The following COL22A1 variants were observed in gnomAD, a reference collection of about 807,000 sequenced individuals.
The protein encoded by COL22A1 is collagen type XXII alpha 1 chain, also known as collagen alpha-1(XXII) chain.
COL22A1 carries 221 observed loss-of-function variants against 248.9 expected under a neutral mutation model. The observed-to-expected ratio is 0.89, with a 90% confidence interval of 0.80 to 0.99. The LOEUF (loss-of-function observed/expected upper bound fraction) is 0.99, where lower values mean the gene tolerates loss of function less well. Ranked by LOEUF, COL22A1 falls within the 50% of genes least tolerant of loss-of-function variation. The probability of loss-of-function intolerance (pLI) is 0.00; values close to 1 mark genes in which losing one functional copy is unlikely to be tolerated. For synonymous variants in COL22A1, 891 were observed against 793.4 expected (o/e 1.12, Z -2.07); for missense variants, 2,240 against 2,179.0 (o/e 1.03, Z -0.56).
chr8:138,602,355 C>T (rs1340520345), intron 59 of COL22A1, among the ~76,000 whole-genome samples, 196 bp from the exon 60 acceptor site: 1 of 152,178 alleles, frequency 6.6e-6, no homozygotes. Flanking sequence ...CTCCTTTCCT[C>T]CTGGCACTGT....
At chr8:138,716,771 T>A in intron 28 of COL22A1, 54 bp downstream of exon 28, 1 of 1,277,452 alleles carries the variant, frequency 7.8e-7, no homozygotes, top group Non-Finnish European at 1.1e-6. Flanking sequence ...AGATGTAGCG[T>A]ATAACAATGA....
At chr8:138,700,985 T>A (rs898874321) in intron 31 of COL22A1, among the ~76,000 whole-genome samples, 4 of 69,520 alleles carry the variant, frequency 5.8e-5, no homozygotes, top group Non-Finnish European at 1.0e-4. Flanking sequence ...CGAGACTCCG[T>A]CTCAAAAAAA....
intron 53 of COL22A1, among the ~76,000 whole-genome samples, chr8:138,617,744 T>A (rs2131921148): frequency 6.6e-6 from 1 of 152,258 alleles, no homozygotes; most frequent in African/African-American, 2.4e-5. Flanking sequence ...GTGAGTTAGG[T>A]CTGAGATGGG....
intron 3 of COL22A1, among the ~76,000 whole-genome samples, chr8:138,852,072 G>C: frequency 6.6e-6 from 1 of 152,130 alleles, no homozygotes; most frequent in Admixed American, 6.6e-5. Flanking sequence ...TGCATGGGAG[G>C]TCTGGGAAAG....
At chr8:138,708,941 GA>G (rs143434878) in intron 30 of COL22A1, among the ~76,000 whole-genome samples, 124,358 of 151,926 alleles carry the variant, frequency 0.82, 51,108 homozygotes, top group East Asian at 0.91. Context: ...AAATTTACAA[GA>G]AAAAAATCAA....
At chr8:138,755,280 A>G (rs1392533306) in intron 20 of COL22A1, 70 bp from the exon 21 acceptor site, 2 of 1,480,178 alleles carry the variant, frequency 1.4e-6, no homozygotes, top group Non-Finnish European at 1.9e-6. Flanking sequence ...ACCATCACCC[A>G]TGGCCCTCTC....
At chr8:138,817,518 G>A (rs1818770984) in intron 7 of COL22A1, among the ~76,000 whole-genome samples, 1 of 152,112 alleles carries the variant, frequency 6.6e-6, no homozygotes, top group Non-Finnish European at 1.5e-5. Flanking sequence ...AAATGATGAG[G>A]ACCCAGGGGG....
chr8:138,636,890 T>C, intron 47 of COL22A1, 95 bp from the exon 48 acceptor site: 1 of 1,024,020 alleles, frequency 9.8e-7, no homozygotes, highest in Middle Eastern at 2.1e-4. Context: ...ATTCATTAAT[T>C]CTCCAAAAAT....
chr8:138,783,825 T>C (rs1236565229), intron 12 of COL22A1, among the ~76,000 whole-genome samples: 1 of 152,180 alleles, frequency 6.6e-6, no homozygotes, highest in East Asian at 1.9e-4. Flanking sequence ...GTGAAGCAAG[T>C]TCCTTTACAG....
At chr8:138,896,677 A>C (rs546216744) in intron 1 of COL22A1, among the ~76,000 whole-genome samples, 1 of 152,318 alleles carries the variant, frequency 6.6e-6, no homozygotes, top group East Asian at 1.9e-4. Flanking sequence ...GAGAAAGTTT[A>C]AAATTCCATT....
intron 56 of COL22A1, among the ~76,000 whole-genome samples, chr8:138,611,015 G>A (rs542370272): frequency 3.9e-5 from 6 of 152,270 alleles, no homozygotes; most frequent in Non-Finnish European, 7.4e-5. Context: ...GCAGTTAACC[G>A]TGATCATGCC....
intron 7 of COL22A1, among the ~76,000 whole-genome samples, chr8:138,817,093 GT>G (rs1406952234): frequency 1.3e-5 from 2 of 152,232 alleles, no homozygotes; most frequent in African/African-American, 4.8e-5. Context: ...GTGCAGACAG[GT>G]GAGGCCACTG....
intron 7 of COL22A1, among the ~76,000 whole-genome samples, chr8:138,815,411 A>C (rs1220063338): frequency 1.3e-5 from 2 of 151,928 alleles, no homozygotes; most frequent in East Asian, 3.9e-4. Context: ...GCTGTCGACA[A>C]TCTCTCGCTC....
At chr8:138,648,802 T>C (rs147010069) in intron 46 of COL22A1, among the ~76,000 whole-genome samples, 398 of 152,342 alleles carry the variant, frequency 2.6e-3, no homozygotes, top group African/African-American at 8.9e-3. Flanking sequence ...GCCATCTGAA[T>C]TACCAGGTGA....
intron 41 of COL22A1, among the ~76,000 whole-genome samples, chr8:138,665,988 G>A (rs1223261326): frequency 6.6e-6 from 1 of 152,002 alleles, no homozygotes; most frequent in African/African-American, 2.4e-5. Context: ...AAGAATCATG[G>A]CAAATGTTAT....
Position 138,880,672 on chromosome 8 carries a change from C to T in COL22A1, c.92-2356G>A, listed in dbSNP as rs575249451. Among the ~76,000 whole-genome samples, 3 of 152,282 alleles carry T rather than the reference C, an allele frequency of 2.0e-5. No individual in the cohort carries two copies. The East Asian group carries it at 5.8e-4, about 29-fold the overall frequency. ...ATCCCAGCCTTAGCAGGACTGATCC[C>T]TAACAGGATTAGAACTCTGGAGTGT... On this transcript the variant is annotated intron_variant, in intron 2 of 64. Transcript: ENST00000303045.
intron 2 of COL22A1, 22 bp downstream of exon 2, chr8:138,883,060 G>T (rs1311387665): frequency 5.8e-6 from 9 of 1,553,762 alleles, no homozygotes; most frequent in Non-Finnish European, 7.8e-6. Context: ...GCACAGCATG[G>T]CACAGCCCAC....
intron 27 of COL22A1, among the ~76,000 whole-genome samples, chr8:138,720,265 T>C (rs1030626583): frequency 6.6e-6 from 1 of 152,142 alleles, no homozygotes; most frequent in Non-Finnish European, 1.5e-5. Context: ...CCTTGCCTTC[T>C]GGCTTTCTGT....
chr8:138,769,238 C>T (rs1834160081), intron 16 of COL22A1, among the ~76,000 whole-genome samples: 1 of 152,216 alleles, frequency 6.6e-6, no homozygotes, highest in Non-Finnish European at 1.5e-5. Flanking sequence ...GATGCAGGCA[C>T]TGTACTGACT....
Sources: gnomAD v4.1 joint callset for allele counts (sites outside exome capture counted in the v4.1 genomes callset) on GRCh38, gnomAD v4.1.1 for gene constraint, MANE v1.5 for transcripts, NCBI Gene and HGNC (gene_info 2026-07-23, HGNC 2026-07-21) for gene names.